ASIC2: variants seen among roughly 807,000 people sequenced by gnomAD.
ASIC2 encodes acid-sensing ion channel 2.
A neutral mutation model predicts 57.3 loss-of-function variants in ASIC2; 25 were observed. The ratio of observed to expected loss-of-function variants is 0.44; its 90% confidence interval spans 0.32 to 0.61. The LOEUF (loss-of-function observed/expected upper bound fraction) is 0.61. Ranked by LOEUF, ASIC2 falls within the 20% of genes least tolerant of loss-of-function variation. The pLI is 0.06. For missense variants in ASIC2, 641 were observed against 738.1 expected (o/e 0.87, Z 1.52); for synonymous variants, 319 against 307.5 (o/e 1.04, Z -0.39).
intron 1 of ASIC2, among the ~76,000 whole-genome samples, chr17:33,401,556 C>G (rs973970691): frequency 1.2e-4 from 19 of 152,198 alleles, no homozygotes; most frequent in African/African-American, 4.6e-4. Context: ...TCAGCTCTAA[C>G]TCTGCAAGTT....
At chr17:34,071,839 AAT>A (rs1491376754) in intron 1 of ASIC2, 1 of 152,162 alleles carries the variant, frequency 6.6e-6, no homozygotes, top group Non-Finnish European at 1.5e-5. Flanking sequence ...AAAAAAAAAA[AAT>A]CATTAAGTAT....
intron 1 of ASIC2, among the ~76,000 whole-genome samples, chr17:33,661,782 C>G (rs544112446): frequency 9.2e-5 from 14 of 152,188 alleles, no homozygotes; most frequent in African/African-American, 3.4e-4. Flanking sequence ...GAATGAAAGT[C>G]AGGCCTTTCT....
intron 8 of ASIC2, among the ~76,000 whole-genome samples, chr17:33,016,537 T>G (rs945393488): frequency 6.6e-6 from 1 of 152,166 alleles, no homozygotes; most frequent in Non-Finnish European, 1.5e-5. Context: ...GTGATTCAAT[T>G]GCCATAACTG....
At chr17:33,442,281 A>T (rs1193910305) in intron 1 of ASIC2, among the ~76,000 whole-genome samples, 1 of 152,194 alleles carries the variant, frequency 6.6e-6, no homozygotes, top group Non-Finnish European at 1.5e-5. Context: ...TTTTCATATA[A>T]ATTTTACAAT....
At chr17:34,095,713 TTA>T (rs1227368632) in intron 1 of ASIC2, among the ~76,000 whole-genome samples, 10 of 139,314 alleles carry the variant, frequency 7.2e-5, no homozygotes, top group Non-Finnish European at 1.3e-4. Context: ...ATATATAATT[TTA>T]TATATAGAGA....
intron 1 of ASIC2, among the ~76,000 whole-genome samples, chr17:33,905,571 C>G (rs1915330280): frequency 6.6e-6 from 1 of 152,250 alleles, no homozygotes; most frequent in East Asian, 1.9e-4. Flanking sequence ...AGATAATATG[C>G]AAAGTAGGGA....
intron 1 of ASIC2, among the ~76,000 whole-genome samples, chr17:33,666,512 G>A (rs1001891694): frequency 1.3e-5 from 2 of 152,126 alleles, no homozygotes; most frequent in African/African-American, 4.8e-5. Flanking sequence ...CCAGCCCTCC[G>A]CCTCCTCCTG....
In ASIC2 at chr17:33,070,438, A is replaced by T. The variant is rs148466060; in HGVS notation, c.987+18425T>A. ...CTGCAACTTCTGCCTCCCGGGTTCA[A>T]GCAATTCTCCTGCCTTAGCCTCCCG... On this transcript the variant is annotated intron_variant, in intron 3 of 9. Coordinates refer to ENST00000225823, the MANE Select transcript of ASIC2 (RefSeq NM_183377.2). 2.3e-3 allele frequency among the ~76,000 whole-genome samples: 345 copies of T among 152,034 alleles called. 2 individuals carry two copies. The highest frequency in any genetic ancestry group is 7.9e-3 in the African/African-American group (329 of 41,446).
chr17:34,015,199 A>G (rs7207606), intron 1 of ASIC2, among the ~76,000 whole-genome samples: 25,566 of 151,302 alleles, frequency 0.17, 6,061 homozygotes, highest in African/African-American at 0.54. Flanking sequence ...ACGAGCAACT[A>G]TGCCTAGCCT....
At chr17:33,361,339 G>T (rs900201936) in intron 1 of ASIC2, among the ~76,000 whole-genome samples, 6 of 152,206 alleles carry the variant, frequency 3.9e-5, no homozygotes, top group Non-Finnish European at 5.9e-5. Flanking sequence ...AGAGCATTGA[G>T]AACCAACTGA....
At chr17:34,129,380 T>C (rs1036100452) in intron 1 of ASIC2, among the ~76,000 whole-genome samples, 9 of 152,180 alleles carry the variant, frequency 5.9e-5, no homozygotes, top group African/African-American at 2.2e-4. Context: ...TCTTTTCCTG[T>C]AAAATGTAAG....
intron 1 of ASIC2, among the ~76,000 whole-genome samples, chr17:33,888,983 T>A (rs1018303983): frequency 2.6e-5 from 4 of 152,136 alleles, no homozygotes; most frequent in African/African-American, 9.7e-5. Flanking sequence ...AGGCCTGGCC[T>A]TAAGAAGAGA....
At chr17:33,474,892 G>A (rs1374542148) in intron 1 of ASIC2, among the ~76,000 whole-genome samples, 4 of 152,154 alleles carry the variant, frequency 2.6e-5, no homozygotes, top group South Asian at 4.1e-4. Context: ...AGCCGGAAGT[G>A]AGCAATTCCC....
At chr17:34,137,805 G>C (rs1255997789) in intron 1 of ASIC2, among the ~76,000 whole-genome samples, 1 of 152,136 alleles carries the variant, frequency 6.6e-6, no homozygotes, top group African/African-American at 2.4e-5. Flanking sequence ...TCATGTGGTG[G>C]AAGGAGGGGT....
chr17:33,442,066 A>G (rs1317012523), intron 1 of ASIC2, among the ~76,000 whole-genome samples: 2 of 152,198 alleles, frequency 1.3e-5, no homozygotes, highest in African/African-American at 4.8e-5. Flanking sequence ...CACAAATAGT[A>G]TTTGTCAAAT....
intron 1 of ASIC2, among the ~76,000 whole-genome samples, chr17:33,566,204 G>A (rs571692249): frequency 6.6e-6 from 1 of 152,308 alleles, no homozygotes; most frequent in South Asian, 2.1e-4. Flanking sequence ...GCCTAGCTCA[G>A]GACAAATACT....
chr17:33,066,898 CAG>C (rs1391485250), intron 3 of ASIC2, among the ~76,000 whole-genome samples: 1 of 152,058 alleles, frequency 6.6e-6, no homozygotes, highest in Non-Finnish European at 1.5e-5. Context: ...ACTCAGGGGA[CAG>C]AGATACAAAA....
intron 1 of ASIC2, among the ~76,000 whole-genome samples, chr17:33,261,268 T>C (rs1909269595): frequency 6.6e-6 from 1 of 152,214 alleles, no homozygotes; most frequent in Admixed American, 6.5e-5. Flanking sequence ...ACACTCACAA[T>C]AAACACTGTC....
intron 1 of ASIC2, among the ~76,000 whole-genome samples, chr17:33,651,196 T>C (rs1043924172): frequency 4.6e-5 from 7 of 152,154 alleles, no homozygotes; most frequent in African/African-American, 1.7e-4. Flanking sequence ...ATAATCTAGC[T>C]AATTGTATTG....
Sources: allele counts gnomAD v4.1 joint callset (sites outside exome capture counted in the v4.1 genomes callset), GRCh38; gene constraint gnomAD v4.1.1; transcripts MANE v1.5; gene names NCBI Gene and HGNC (gene_info 2026-07-23, HGNC 2026-07-21).